RAP1A: variants seen among roughly 807,000 people sequenced by gnomAD.
The protein encoded by RAP1A is RAP1A, member of RAS oncogene family.
Under a neutral mutation model 26.4 loss-of-function variants are expected in RAP1A, and 6 were observed. The observed-to-expected ratio is 0.23, with a 90% CI of 0.12 to 0.45. The LOEUF is 0.45. Ranked by LOEUF, RAP1A falls within the 20% of genes least tolerant of loss-of-function variation. RAP1A has a pLI of 0.99. For missense variants in RAP1A, 121 were observed against 217.2 expected (o/e 0.56, Z 2.78); for synonymous variants, 73 against 79.4 (o/e 0.92, Z 0.43).
chr1:111,576,112 T>G (rs1277085414), intron 1 of RAP1A, among the ~76,000 whole-genome samples: 2 of 152,110 alleles, frequency 1.3e-5, no homozygotes, highest in East Asian at 3.9e-4. Context: ...CATCTCAAAC[T>G]TTAAAGTGCA....
At chr1:111,706,261 A>G (rs1398349557) in intron 6 of RAP1A, among the ~76,000 whole-genome samples, 1 of 152,130 alleles carries the variant, frequency 6.6e-6, no homozygotes, top group Non-Finnish European at 1.5e-5. Flanking sequence ...TTTTCTCTTT[A>G]TAACCCAATA....
chr1:111,551,807 T>G (rs576376495), intron 1 of RAP1A, among the ~76,000 whole-genome samples: 1 of 151,316 alleles, frequency 6.6e-6, no homozygotes, highest in African/African-American at 2.4e-5. Context: ...TTCTGCAACT[T>G]TATTGGGGCA....
chr1:111,624,825 T>C (rs1222391714), intron 1 of RAP1A, among the ~76,000 whole-genome samples: 1 of 152,216 alleles, frequency 6.6e-6, no homozygotes, highest in East Asian at 1.9e-4. Flanking sequence ...GAAAATTAAA[T>C]GTTTTATGAA....
chr1:111,653,474 G>C (rs1381429353), intron 1 of RAP1A, among the ~76,000 whole-genome samples: 94 of 151,884 alleles, frequency 6.2e-4, no homozygotes, highest in Non-Finnish European at 4.4e-5. Context: ...CTGAGGTTGG[G>C]AGTTTGAGAC....
At chr1:111,579,289 T>A (rs951364623) in intron 1 of RAP1A, among the ~76,000 whole-genome samples, 6 of 152,150 alleles carry the variant, frequency 3.9e-5, no homozygotes, top group African/African-American at 1.4e-4. Flanking sequence ...CTTATTAGTA[T>A]AAATGCTGGA....
intron 1 of RAP1A, among the ~76,000 whole-genome samples, chr1:111,556,362 T>C (rs1210849655): frequency 6.6e-6 from 1 of 152,196 alleles, no homozygotes; most frequent in South Asian, 2.1e-4. Flanking sequence ...TAAAATAGTA[T>C]GGCAGTTTCT....
intron 1 of RAP1A, among the ~76,000 whole-genome samples, chr1:111,678,082 CTT>C (rs1661181548): frequency 6.6e-6 from 1 of 152,108 alleles, no homozygotes; most frequent in African/African-American, 2.4e-5. Flanking sequence ...TAATATAAGA[CTT>C]TGTTCTTTTT....
At chr1:111,597,703 A>G (rs904912871) in intron 1 of RAP1A, among the ~76,000 whole-genome samples, 6 of 152,244 alleles carry the variant, frequency 3.9e-5, no homozygotes, top group Non-Finnish European at 8.8e-5. Flanking sequence ...AGCAATTTTC[A>G]TAAAGAAAGG....
chr1:111,709,385 T>A, intron 7 of RAP1A, 121 bp downstream of exon 7: 1 of 1,172,320 alleles, frequency 8.5e-7, no homozygotes, highest in Non-Finnish European at 1.1e-6. Flanking sequence ...CTTGTAAATG[T>A]GATATATAAC....
intron 1 of RAP1A, among the ~76,000 whole-genome samples, chr1:111,607,475 A>G (rs1658809923): frequency 6.6e-6 from 1 of 152,180 alleles, no homozygotes. Context: ...CCCACTTTCT[A>G]TTCCACAAAA....
chr1:111,636,578 G>A (rs1659736147), intron 1 of RAP1A, among the ~76,000 whole-genome samples: 1 of 151,658 alleles, frequency 6.6e-6, no homozygotes, highest in Admixed American at 6.6e-5. Context: ...CCACCTCCCA[G>A]GTTCAAGGGA....
At chr1:111,567,974 G>A (rs1369166726) in intron 1 of RAP1A, among the ~76,000 whole-genome samples, 2 of 152,136 alleles carry the variant, frequency 1.3e-5, no homozygotes, top group African/African-American at 4.8e-5. Context: ...GACAAACATG[G>A]TCCATTTCTC....
In RAP1A at chr1:111,578,772, G is replaced by A. The variant is rs533002259; in HGVS notation, c.-28+36263G>A. On this transcript the variant is annotated intron_variant, in intron 1 of 7. Transcript: ENST00000356415. ...CCTGGATATAGCATCAGATCCCAGT[G>A]GTTGTGGGCTCAGTCCCACAAAACT... Among the ~76,000 whole-genome samples the A allele has an allele frequency of 2.0e-5, 3 of 152,258 alleles. 1 individual carries two copies. Among genetic ancestry groups the A allele is most frequent in the South Asian group, 4.1e-4 (2 of 4,826 alleles).
intron 3 of RAP1A, 38 bp downstream of exon 3, chr1:111,695,447 G>T: frequency 7.3e-7 from 1 of 1,367,834 alleles, no homozygotes; most frequent in Non-Finnish European, 9.9e-7. Flanking sequence ...CTTACAAGTA[G>T]TTCCTTATGA....
chr1:111,566,212 C>T (rs186798200), intron 1 of RAP1A, among the ~76,000 whole-genome samples: 1 of 152,192 alleles, frequency 6.6e-6, no homozygotes, highest in Admixed American at 6.5e-5. Flanking sequence ...GTGGAGCATA[C>T]ACTGAAGTGG....
intron 1 of RAP1A, among the ~76,000 whole-genome samples, chr1:111,638,771 C>T (rs1467963765): frequency 1.3e-5 from 2 of 151,960 alleles, no homozygotes; most frequent in Non-Finnish European, 2.9e-5. Context: ...TGGTATTGGA[C>T]CAGATGTTAA....
At chr1:111,556,044 C>T (rs1249518128) in intron 1 of RAP1A, among the ~76,000 whole-genome samples, 2 of 152,170 alleles carry the variant, frequency 1.3e-5, no homozygotes, top group Non-Finnish European at 2.9e-5. Flanking sequence ...ATAAAACGCA[C>T]AAGAAACTCC....
chr1:111,651,551 G>A (rs1024035514), intron 1 of RAP1A, among the ~76,000 whole-genome samples: 4 of 145,446 alleles, frequency 2.8e-5, no homozygotes, highest in East Asian at 2.0e-4. Flanking sequence ...ATCTTGGCTC[G>A]CTGTCACCTC....
In RAP1A at chr1:111,597,254, C is replaced by T. The variant is rs190659624; in HGVS notation, c.-28+54745C>T. Among the ~76,000 whole-genome samples the T allele has an allele frequency of 1.2e-3, 182 of 152,300 alleles. 3 individuals carry two copies. Among genetic ancestry groups the T allele is most frequent in the South Asian group, 3.1e-3 (15 of 4,826 alleles). ...GAAAAACTTTATTTTTCTTACTTCT[C>T]CTTGATTCCTCAATCAAACTGGATT... On this transcript the variant is annotated intron_variant, in intron 1 of 7. Coordinates refer to the RAP1A transcript ENST00000356415.
Sources: gnomAD v4.1 joint callset for allele counts (sites outside exome capture counted in the v4.1 genomes callset) on GRCh38, gnomAD v4.1.1 for gene constraint, MANE v1.5 for transcripts, NCBI Gene and HGNC (gene_info 2026-07-23, HGNC 2026-07-21) for gene names.